Variants in HTR3B observed in about 807,000 individuals in gnomAD.
HTR3B encodes the protein 5-hydroxytryptamine receptor 3B.
A neutral mutation model predicts 42.8 loss-of-function variants in HTR3B; 44 were observed. The observed-to-expected ratio is 1.03, with a 90% confidence interval of 0.81 to 1.32. The LOEUF (loss-of-function observed/expected upper bound fraction) is 1.32. HTR3B is among the 40% of genes most tolerant of loss of function. The pLI, the probability that HTR3B is intolerant of heterozygous loss-of-function variation, is 0.00. For synonymous variants in HTR3B, 203 were observed against 209.0 expected (o/e 0.97, Z 0.25); for missense variants, 527 against 536.5 (o/e 0.98, Z 0.17).
intron 2 of HTR3B, among the ~76,000 whole-genome samples, chr11:113,916,282 A>G (rs1415816490): frequency 6.6e-6 from 1 of 152,164 alleles, no homozygotes; most frequent in African/African-American, 2.4e-5. Flanking sequence ...TTCTTTGGTA[A>G]TATGTCTGCT....
chr11:113,909,944 A>C (rs1949770004), intron 2 of HTR3B, among the ~76,000 whole-genome samples: 1 of 140,474 alleles, frequency 7.1e-6, no homozygotes, highest in Admixed American at 8.2e-5. Context: ...TGATCATGCC[A>C]CTGCACTCCA....
At chr11:113,932,520 C>A in intron 5 of HTR3B, 62 bp downstream of exon 5, 1 of 1,285,852 alleles carries the variant, frequency 7.8e-7, no homozygotes, top group Non-Finnish European at 1.1e-6. Context: ...TGATATTATA[C>A]TATCCTTCAG....
At chr11:113,920,677 T>G (rs1214497411) in intron 2 of HTR3B, among the ~76,000 whole-genome samples, 2 of 151,846 alleles carry the variant, frequency 1.3e-5, no homozygotes, top group Non-Finnish European at 2.9e-5. Context: ...CATGGCCATA[T>G]TTCCCCAATT....
Position 113,948,397 on chromosome 11 carries a change from G to T in HTR3B, c.*2260G>T, listed in dbSNP as rs2137546390. ...AGAGAAAGCACCAGTGTCAGAGTCA[G>T]GAGTCCTGATGATTACGGTCCTGGC... On this transcript the variant is annotated 3_prime_UTR_variant, in exon 9 of 9. Coordinates refer to ENST00000260191, the MANE Select transcript of HTR3B (RefSeq NM_006028.5). Among the ~76,000 whole-genome samples the T allele has an allele frequency of 6.6e-6, 1 of 152,348 alleles. No homozygotes were observed. The highest frequency in any genetic ancestry group is 2.1e-4 in the South Asian group (1 of 4,828).
intron 6 of HTR3B, among the ~76,000 whole-genome samples, chr11:113,935,927 C>A (rs1303908433): frequency 1.3e-5 from 2 of 152,130 alleles, no homozygotes; most frequent in Non-Finnish European, 2.9e-5. Context: ...CTCCGGATGC[C>A]CCATGAGTTT....
At chr11:113,939,154 A>C (rs570744555) in intron 6 of HTR3B, among the ~76,000 whole-genome samples, 198 of 152,290 alleles carry the variant, frequency 1.3e-3, no homozygotes, top group Middle Eastern at 6.8e-3. Context: ...AGAATGGATG[A>C]GGTGGTTTTG....
chr11:113,944,657 A>G lies in HTR3B; in HGVS notation c.992A>G (p.Gln331Arg). ...IVLVKFLHDE[Q>R]RGGQEQPFLC... is the part of the protein sequence containing the mutation. ...TTGGTCAAATTCCTCCATGATGAGC[A>G]GCGTGGTGGACAGGAGCAGCCCTTC... Residue 331 changes from glutamine to arginine, a missense_variant, in exon 8 of 9, where the codon CAG (glutamine) becomes CGG (arginine). Transcript: ENST00000260191. 1 of 1,614,180 alleles carries G rather than the reference A, an allele frequency of 6.2e-7. No individual in the cohort carries two copies.
In HTR3B at chr11:113,904,949, A is replaced by G; in HGVS notation, c.16A>G (p.Met6Val). The change falls in exon 1 of 9, where the codon ATG becomes GTG. Residue 6 changes from methionine to valine, a missense_variant. By Grantham distance (21) the Met-to-Val change is conservative. Coordinates refer to ENST00000260191, the MANE Select transcript of HTR3B (RefSeq NM_006028.5). ...CTGCCCAGGAATGTTGTCAAGTGTAATGGCTCCCCTGTGGGCCTGCATCCT... is the reference window on the plus strand; with the variant it reads ...CTGCCCAGGAATGTTGTCAAGTGTAGTGGCTCCCCTGTGGGCCTGCATCCT... MLSSV[M>V]APLWACILVA... is the part of the protein sequence containing the mutation. 6.2e-6 allele frequency: 10 copies of G among 1,613,788 alleles called. 2 individuals carry two copies. In the South Asian group the frequency reaches 9.9e-5, roughly 16 times the overall value.
chr11:113,938,894 C>G (rs1950111455), intron 6 of HTR3B, among the ~76,000 whole-genome samples: 1 of 151,996 alleles, frequency 6.6e-6, no homozygotes, highest in Non-Finnish European at 1.5e-5. Flanking sequence ...ACGCAGGAGG[C>G]TGAGGCAGGA....
At chr11:113,943,536 T>C (rs1049942218) in intron 7 of HTR3B, among the ~76,000 whole-genome samples, 2 of 152,048 alleles carry the variant, frequency 1.3e-5, no homozygotes, top group African/African-American at 4.8e-5. Context: ...GGTTTCACGA[T>C]GTTGATCAGG....
chr11:113,898,987 C>G, the HTR3B span, among the ~76,000 whole-genome samples: 9 of 152,234 alleles, frequency 5.9e-5, no homozygotes, highest in South Asian at 2.1e-4. Flanking sequence ...TGTTTAAACC[C>G]TCTTTAAGGA....
intron 2 of HTR3B, among the ~76,000 whole-genome samples, chr11:113,926,711 A>G (rs952340533): frequency 3.3e-5 from 5 of 152,016 alleles, no homozygotes; most frequent in Admixed American, 6.6e-5. Context: ...TATTTTTAGT[A>G]GAGACAAGGG....
upstream of HTR3B, among the ~76,000 whole-genome samples, chr11:113,903,021 A>G (rs1293983797): frequency 1.3e-5 from 2 of 152,180 alleles, no homozygotes; most frequent in African/African-American, 4.8e-5. Flanking sequence ...GGAGTGCACC[A>G]CCACATTAAA....
chr11:113,901,476 G>A (rs1177621786), upstream of HTR3B, among the ~76,000 whole-genome samples: 3 of 151,224 alleles, frequency 2.0e-5, no homozygotes, highest in African/African-American at 4.9e-5. Context: ...AAAGTACTGA[G>A]TAAACAAAGT....
intron 6 of HTR3B, among the ~76,000 whole-genome samples, chr11:113,940,407 G>A (rs1950125435): frequency 6.6e-6 from 1 of 152,154 alleles, no homozygotes; most frequent in South Asian, 2.1e-4. Flanking sequence ...ATACCCCCAT[G>A]GACTCTGGCC....
intron 2 of HTR3B, among the ~76,000 whole-genome samples, chr11:113,914,859 A>G (rs1949835897): frequency 6.6e-6 from 1 of 152,206 alleles, no homozygotes; most frequent in Non-Finnish European, 1.5e-5. Flanking sequence ...AGAATTTACC[A>G]GTAAAACTAT....
chr11:113,926,763 A>G (rs1949980166), intron 2 of HTR3B, among the ~76,000 whole-genome samples: 1 of 152,110 alleles, frequency 6.6e-6, no homozygotes, highest in South Asian at 2.1e-4. Flanking sequence ...TGCTGACCTC[A>G]GGTGATCTGC....
intron 6 of HTR3B, among the ~76,000 whole-genome samples, chr11:113,940,869 A>T (rs1950129546): frequency 6.6e-6 from 1 of 152,146 alleles, no homozygotes; most frequent in African/African-American, 2.4e-5. Flanking sequence ...GGAGATGGGG[A>T]TGAAGGAGAA....
At chr11:113,937,870 A>AT (rs1950103633) in intron 6 of HTR3B, among the ~76,000 whole-genome samples, 1 of 152,334 alleles carries the variant, frequency 6.6e-6, no homozygotes, top group South Asian at 2.1e-4. Context: ...AACAACAGAA[A>AT]TTCATTTTCT....
Sources: allele counts gnomAD v4.1 joint callset (sites outside exome capture counted in the v4.1 genomes callset), GRCh38; gene constraint gnomAD v4.1.1; transcripts MANE v1.5; gene names NCBI Gene and HGNC (gene_info 2026-07-23, HGNC 2026-07-21).